The following CCDC187 variants were observed in gnomAD, a reference collection of about 807,000 sequenced individuals.
CCDC187 encodes coiled-coil domain-containing protein 187.
A neutral mutation model predicts 38.0 loss-of-function variants in CCDC187; 32 were observed. The observed-to-expected ratio is 0.84, with a 90% CI of 0.64 to 1.13. CCDC187 has a LOEUF of 1.13. Among genes scored for constraint, CCDC187 ranks in the 50% most tolerant of loss-of-function variants. The pLI, the probability that CCDC187 is intolerant of heterozygous loss-of-function variation, is 0.00. For synonymous variants in CCDC187, 333 were observed against 347.9 expected (o/e 0.96, Z 0.48); for missense variants, 707 against 786.8 (o/e 0.90, Z 1.21).
In CCDC187 at chr9:136,262,407, T is replaced by C. The variant is rs1830689590; in HGVS notation, c.3968A>G (p.Gln1323Arg). 1 of 986,188 alleles carries C rather than the reference T, an allele frequency of 1.0e-6. No homozygotes were observed. The highest frequency in any genetic ancestry group is 1.7e-5 in the African/African-American group (1 of 57,274). 61.1% of individuals were successfully genotyped at this position (986,188 alleles called of 1,614,324 possible). A position where few individuals can be genotyped will look rare whatever the true frequency, so the allele number is the denominator to read the frequency against. ...CAGGGGACACAGGGAGGCCTCTGGC[T>C]GCTGGCTTGTCTCTGAGCCTCCCTC... ...AWEGGSETSQ[Q>R]PEASLCPLTP... The change falls in exon 19 of 26, where the codon CAG becomes CGG. Residue 1323 changes from glutamine (Q) to arginine (R), a missense_variant. Coordinates refer to ENST00000638797, the MANE Select transcript of CCDC187 (RefSeq NM_001378188.1).
chr9:136,282,272 T>A (rs1192025022), intron 9 of CCDC187, among the ~76,000 whole-genome samples: 1 of 152,072 alleles, frequency 6.6e-6, no homozygotes, highest in Non-Finnish European at 1.5e-5. Flanking sequence ...CAGGTACAAC[T>A]GGACCCACAC....
rs1554759076 is a variant in CCDC187, at chr9:136,250,074, A to G, written c.*3520T>C. On this transcript the variant is annotated 3_prime_UTR_variant, in exon 26 of 26. Coordinates refer to ENST00000638797, the MANE Select transcript of CCDC187 (RefSeq NM_001378188.1). The stretch of plus-strand genomic sequence containing the variant: ...TGAAGGGGAGGAACCTTGGATTACC[A>G]TCTTGCCCGGTCAATATATCTGAAT... 3 of 152,344 alleles carry G rather than the reference A, an allele frequency of 2.0e-5. No homozygotes were observed. The highest frequency in any genetic ancestry group is 4.4e-5 in the Non-Finnish European group (3 of 68,142). The allele number at this position is 152,344 out of a possible 1,614,324, so 9.4% of individuals were successfully genotyped here.
intron 3 of CCDC187, among the ~76,000 whole-genome samples, chr9:136,299,815 A>G (rs938709577): frequency 9.9e-5 from 15 of 152,226 alleles, no homozygotes; most frequent in Admixed American, 9.8e-4. Flanking sequence ...AGTGCCTCCC[A>G]TCTACAAGAC....
At chr9:136,294,874 A>G (rs1421967373) in intron 4 of CCDC187, among the ~76,000 whole-genome samples, 1 of 152,176 alleles carries the variant, frequency 6.6e-6, no homozygotes, top group Non-Finnish European at 1.5e-5. Flanking sequence ...CCCAAGGTAG[A>G]GGAAGGTTTA....
rs1174843990 is a variant in CCDC187 at position 136,293,868 on chromosome 9, GCTCT to G, written c.833-1577_833-1574del. On this transcript the variant is annotated intron_variant, in intron 4 of 25. Transcript: ENST00000638797. Reference sequence around the variant, plus strand: ...TTCTCACACACATTCAGTCTCATATGCTCTCTGACTCACACGCTCACACACAACC... The same window carrying G: ...TTCTCACACACATTCAGTCTCATATGCTGACTCACACGCTCACACACAACC... Among the ~76,000 whole-genome samples the G allele has an allele frequency of 0.011, 1,628 of 148,540 alleles. 115 individuals carry two copies. In the East Asian group the frequency reaches 0.19, roughly 17 times the overall value.
At chr9:136,285,202 C>T (rs1234295159) in intron 9 of CCDC187, among the ~76,000 whole-genome samples, 1 of 152,112 alleles carries the variant, frequency 6.6e-6, no homozygotes, top group Non-Finnish European at 1.5e-5. Flanking sequence ...TGTCCCTGCA[C>T]TCAGTCTGGA....
In CCDC187 at chr9:136,257,522, G is replaced by C. The variant is rs557505247; in HGVS notation, c.4367-681C>G. Among the ~76,000 whole-genome samples the C allele has an allele frequency of 2.6e-5, 4 of 152,134 alleles. No homozygotes were observed. Among genetic ancestry groups the C allele is most frequent in the Non-Finnish European group, 5.9e-5 (4 of 68,038 alleles). ...GCAGGGGTGGTGCAGAGGGCCGGTG[G>C]GGGGCAGGCCTCGGACACAGCAAGG... On this transcript the variant is annotated intron_variant, in intron 22 of 25. Transcript: ENST00000638797. The surrounding 1 kb of genome is among the most constrained non-coding windows in gnomAD (Gnocchi z 4.5).
intron 16 of CCDC187, chr9:136,266,437 G>A (rs1554761630): frequency 6.6e-6 from 1 of 152,270 alleles, no homozygotes; most frequent in Non-Finnish European, 1.5e-5. Context: ...GACACCGGGT[G>A]AGGATGTTAA....
At chr9:136,270,987 T>G (rs1261074289) in intron 14 of CCDC187, among the ~76,000 whole-genome samples, 2 of 152,222 alleles carry the variant, frequency 1.3e-5, no homozygotes, top group Non-Finnish European at 2.9e-5. Flanking sequence ...CATCTCTATA[T>G]CTAATTTGTA....
At chr9:136,294,368 C>T (rs1831484177) in intron 4 of CCDC187, among the ~76,000 whole-genome samples, 1 of 152,230 alleles carries the variant, frequency 6.6e-6, no homozygotes, top group Admixed American at 6.5e-5. Context: ...CTTATTCCAC[C>T]TGGCTCTGCA....
intron 4 of CCDC187, among the ~76,000 whole-genome samples, chr9:136,293,130 C>T (rs1167949937): frequency 6.8e-6 from 1 of 147,302 alleles, no homozygotes; most frequent in Non-Finnish European, 1.5e-5. Context: ...CACAAACACT[C>T]ACATGCTCAC....
chr9:136,286,858 G>A (rs1374912711), intron 7 of CCDC187, among the ~76,000 whole-genome samples, 163 bp from the exon 8 acceptor site: 1 of 152,238 alleles, frequency 6.6e-6, no homozygotes, highest in Non-Finnish European at 1.5e-5. Flanking sequence ...CCACACAACA[G>A]ACCACACAGC....
rs1830648090 is a variant in CCDC187 at position 136,258,924 on chromosome 9, G to A, written c.4366+8C>T. The stretch of plus-strand genomic sequence containing the variant: ...TGGAGGCCCACGCGGTGTTTCCAGG[G>A]TGCTTACCTGGGGGTGGCTCCTTCA... On this transcript the variant is annotated splice_region_variant and intron_variant, in intron 22 of 25. Transcript: ENST00000638797. The surrounding 1 kb of genome is among the most constrained non-coding windows in gnomAD (Gnocchi z 4.3). 2 of 985,540 alleles carry A rather than the reference G, an allele frequency of 2.0e-6. No individual in the cohort carries two copies. Among genetic ancestry groups the A allele is most frequent in the Non-Finnish European group, 2.4e-6 (2 of 830,010 alleles). The allele number at this position is 985,540 out of a possible 1,614,324, so 61.0% of individuals were successfully genotyped here. A position where few individuals can be genotyped will look rare whatever the true frequency, so the allele number is the denominator to read the frequency against.
At chr9:136,270,123 A>G (rs1830815320) in intron 14 of CCDC187, among the ~76,000 whole-genome samples, 1 of 152,256 alleles carries the variant, frequency 6.6e-6, no homozygotes, top group Admixed American at 6.5e-5. Flanking sequence ...TGTATGCGTA[A>G]TTGTGTAAGC....
chr9:136,267,802 G>A, intron 15 of CCDC187: 2 of 970,312 alleles, frequency 2.1e-6, no homozygotes, highest in Non-Finnish European at 2.5e-6. Flanking sequence ...TACAACCTGG[G>A]CGGGGGCTAA....
chr9:136,263,235 C>CTT (rs35662036), intron 18 of CCDC187, among the ~76,000 whole-genome samples: 103 of 94,100 alleles, frequency 1.1e-3, no homozygotes, highest in Non-Finnish European at 1.6e-3. Context: ...GGGCCACAGG[C>CTT]TTTTTTTTTT....
At chr9:136,292,686 C>T (rs1041158539) in intron 4 of CCDC187, among the ~76,000 whole-genome samples, 5 of 152,210 alleles carry the variant, frequency 3.3e-5, no homozygotes, top group Admixed American at 1.3e-4. Context: ...GAGTGACAAC[C>T]GCGAGCCAGC....
At chr9:136,281,180 C>T in intron 10 of CCDC187, 1 of 362,532 alleles carries the variant, frequency 2.8e-6, no homozygotes. Flanking sequence ...GTGGGCACTG[C>T]TCGTTGGAAA....
At chr9:136,293,985 C>T (rs1017514022) in intron 4 of CCDC187, among the ~76,000 whole-genome samples, 2 of 151,876 alleles carry the variant, frequency 1.3e-5, no homozygotes, top group Non-Finnish European at 2.9e-5. Flanking sequence ...TGCTCTCACA[C>T]ACACACTCAC....
Sources: gnomAD v4.1 joint callset for allele counts (sites outside exome capture counted in the v4.1 genomes callset) on GRCh38, gnomAD v4.1.1 for gene constraint, Gnocchi (gnomAD v3.1) non-coding constraint, MANE v1.5 for transcripts, NCBI Gene and HGNC (gene_info 2026-07-23, HGNC 2026-07-21) for gene names.